Variants in SPOCK1 observed in about 807,000 individuals in gnomAD.
SPOCK1 encodes SPARC (osteonectin), cwcv and kazal like domains proteoglycan 1.
In SPOCK1, 23 loss-of-function variants were observed where a neutral mutation model predicts 55.3. The observed-to-expected ratio is 0.42, with a 90% CI of 0.30 to 0.59. The LOEUF (loss-of-function observed/expected upper bound fraction) is 0.59. Ranked by LOEUF, SPOCK1 falls within the 20% of genes least tolerant of loss-of-function variation. The pLI is 0.22. For synonymous variants in SPOCK1, 226 were observed against 221.0 expected (o/e 1.02, Z -0.20); for missense variants, 499 against 552.5 (o/e 0.90, Z 0.97).
chr5:137,433,215 T>C (rs1341501134), intron 2 of SPOCK1, among the ~76,000 whole-genome samples: 2 of 152,194 alleles, frequency 1.3e-5, no homozygotes, highest in Non-Finnish European at 1.5e-5. Context: ...AGAACCTTTA[T>C]TGCTGAAACA....
chr5:137,072,320 A>G (rs1752635260), intron 5 of SPOCK1, among the ~76,000 whole-genome samples: 1 of 152,248 alleles, frequency 6.6e-6, no homozygotes. Context: ...AGGACTTTTA[A>G]ACATTATACT....
At chr5:137,293,780 G>T (rs1757422799) in intron 2 of SPOCK1, among the ~76,000 whole-genome samples, 1 of 152,240 alleles carries the variant, frequency 6.6e-6, no homozygotes, top group African/African-American at 2.4e-5. Flanking sequence ...ACTTTGGGAG[G>T]CCGAGGCGGG....
rs532598395 is a variant in SPOCK1 at position 137,206,796 on chromosome 5, T to C, written c.232+60214A>G. On this transcript the variant is annotated intron_variant, in intron 3 of 10. Coordinates refer to ENST00000394945, the MANE Select transcript of SPOCK1 (RefSeq NM_004598.4). ...ATGTTCCAGGCAACATCTTATGCGA[T>C]GTATTTGGGCTGTTTGATTTAATCC... 9.8e-5 allele frequency among the ~76,000 whole-genome samples: 15 copies of C among 152,374 alleles called. 1 individual carries two copies. In the South Asian group the frequency reaches 3.1e-3, roughly 32 times the overall value.
At position 137,182,344 on chromosome 5, in the gene SPOCK1, G is replaced by A. The variant is rs149745199; in HGVS notation, c.233-41650C>T. 1.1e-3 allele frequency among the ~76,000 whole-genome samples: 162 copies of A among 152,218 alleles called. 1 individual carries two copies. The highest frequency in any genetic ancestry group is 2.0e-3 in the Non-Finnish European group (135 of 68,026). ...CTCCATCTGAAACGCCCTTCCCCAG[G>A]CTGAATCTTAACTCATTCTTCAAAA... On this transcript the variant is annotated intron_variant, in intron 3 of 10. Coordinates refer to ENST00000394945, the MANE Select transcript of SPOCK1 (RefSeq NM_004598.4).
intron 2 of SPOCK1, among the ~76,000 whole-genome samples, chr5:137,370,518 A>T (rs1308769734): frequency 6.6e-6 from 1 of 152,222 alleles, no homozygotes; most frequent in Non-Finnish European, 1.5e-5. Context: ...TCTATTCAAG[A>T]GAAAGGCTCC....
At chr5:137,167,607 T>G (rs995104043) in intron 3 of SPOCK1, among the ~76,000 whole-genome samples, 1 of 151,670 alleles carries the variant, frequency 6.6e-6, no homozygotes, top group Non-Finnish European at 1.5e-5. Flanking sequence ...AAAATTGGAA[T>G]AGTATCAAGC....
chr5:137,396,544 G>A (rs78330144), intron 2 of SPOCK1, among the ~76,000 whole-genome samples: 1 of 152,300 alleles, frequency 6.6e-6, no homozygotes, highest in East Asian at 1.9e-4. Context: ...CACTGGATTA[G>A]GTATGAGACT....
chr5:137,407,792 A>G (rs1205704413), intron 2 of SPOCK1, among the ~76,000 whole-genome samples: 8 of 152,192 alleles, frequency 5.3e-5, no homozygotes, highest in Admixed American at 1.3e-4. Flanking sequence ...CAGCAGAGCC[A>G]TAGAGACAGA....
chr5:137,423,061 G>C (rs1752536491), intron 2 of SPOCK1, among the ~76,000 whole-genome samples: 1 of 152,208 alleles, frequency 6.6e-6, no homozygotes, highest in Admixed American at 6.5e-5. Flanking sequence ...TCCAGACCCT[G>C]TTTGCCTGGG....
intron 3 of SPOCK1, among the ~76,000 whole-genome samples, chr5:137,210,658 TTG>T (rs1359515692): frequency 3.9e-5 from 6 of 152,150 alleles, no homozygotes; most frequent in African/African-American, 1.4e-4. Flanking sequence ...TAAGTCATCA[TTG>T]TGAGTCCCAG....
At chr5:137,430,221 A>C (rs1046733086) in intron 2 of SPOCK1, among the ~76,000 whole-genome samples, 2 of 152,242 alleles carry the variant, frequency 1.3e-5, no homozygotes, top group African/African-American at 4.8e-5. Context: ...GATTTCTGCC[A>C]CAGTGTATTT....
At chr5:137,242,941 C>T (rs2127101280) in intron 3 of SPOCK1, among the ~76,000 whole-genome samples, 1 of 152,172 alleles carries the variant, frequency 6.6e-6, no homozygotes, top group African/African-American at 2.4e-5. Context: ...TGGAAGAATA[C>T]AAAGAAACTA....
intron 2 of SPOCK1, among the ~76,000 whole-genome samples, chr5:137,332,823 C>G (rs1172780773): frequency 6.6e-6 from 1 of 152,148 alleles, no homozygotes; most frequent in Non-Finnish European, 1.5e-5. Context: ...GCATATATAA[C>G]AAACGTTGAA....
At chr5:137,080,834 C>A (rs1425087437) in intron 5 of SPOCK1, among the ~76,000 whole-genome samples, 2 of 152,148 alleles carry the variant, frequency 1.3e-5, no homozygotes, top group Non-Finnish European at 1.5e-5. Flanking sequence ...TTCACAGCCA[C>A]CAGAAGGCAC....
chr5:137,025,134 C>T (rs1293001249), intron 6 of SPOCK1, among the ~76,000 whole-genome samples: 1 of 152,118 alleles, frequency 6.6e-6, no homozygotes, highest in Non-Finnish European at 1.5e-5. Context: ...AATCAAAGGG[C>T]ATGAAGTTTC....
intron 2 of SPOCK1, among the ~76,000 whole-genome samples, chr5:137,303,267 T>C (rs1201866637): frequency 3.9e-5 from 6 of 152,142 alleles, no homozygotes; most frequent in African/African-American, 4.8e-5. Flanking sequence ...ACATGTGATA[T>C]GTCAGACCCT....
chr5:137,205,646 A>G (rs545955091), intron 3 of SPOCK1, among the ~76,000 whole-genome samples: 1 of 152,242 alleles, frequency 6.6e-6, no homozygotes, highest in South Asian at 2.1e-4. Context: ...TGCCTCTTGG[A>G]CTCAGTTTTA....
intron 3 of SPOCK1, among the ~76,000 whole-genome samples, chr5:137,150,345 C>T (rs1301571532): frequency 1.3e-5 from 2 of 152,112 alleles, no homozygotes; most frequent in Non-Finnish European, 2.9e-5. Context: ...ATAGTAAGGG[C>T]TGGGAATAAA....
At chr5:137,346,708 T>C (rs1271688185) in intron 2 of SPOCK1, among the ~76,000 whole-genome samples, 1 of 152,110 alleles carries the variant, frequency 6.6e-6, no homozygotes, top group African/African-American at 2.4e-5. Context: ...CTACCAACGT[T>C]CTCCCAAAAA....
Sources: gnomAD v4.1 joint callset for allele counts (sites outside exome capture counted in the v4.1 genomes callset) on GRCh38, gnomAD v4.1.1 for gene constraint, MANE v1.5 for transcripts, NCBI Gene and HGNC (gene_info 2026-07-23, HGNC 2026-07-21) for gene names.